SLC1A2: variants seen among roughly 807,000 people sequenced by gnomAD.
SLC1A2 encodes excitatory amino acid transporter 2.
In SLC1A2, 15 loss-of-function variants were observed where a neutral mutation model predicts 48.8. The observed-to-expected ratio is 0.31, with a 90% CI of 0.21 to 0.47. The LOEUF (loss-of-function observed/expected upper bound fraction) is 0.47. Ranked by LOEUF, SLC1A2 falls within the 20% of genes least tolerant of loss-of-function variation. The probability of loss-of-function intolerance (pLI) is 0.99; values close to 1 mark genes in which losing one functional copy is unlikely to be tolerated. For missense variants in SLC1A2, 502 were observed against 730.5 expected (o/e 0.69, Z 3.61); for synonymous variants, 279 against 272.6 (o/e 1.02, Z -0.23).
At chr11:35,381,829 C>G (rs1471549627) in intron 1 of SLC1A2, among the ~76,000 whole-genome samples, 1 of 152,196 alleles carries the variant, frequency 6.6e-6, no homozygotes, top group African/African-American at 2.4e-5. Flanking sequence ...AATTTATTGT[C>G]TTTCCCAGAA....
At chr11:35,385,589 A>AT (rs1205758164) in intron 1 of SLC1A2, among the ~76,000 whole-genome samples, 26 of 152,156 alleles carry the variant, frequency 1.7e-4, no homozygotes, top group Non-Finnish European at 2.2e-4. Context: ...ATCTCAGAAT[A>AT]CCAATTCCAC....
At chr11:35,320,827 CA>C (rs1285852262) in intron 1 of SLC1A2, among the ~76,000 whole-genome samples, 3 of 152,128 alleles carry the variant, frequency 2.0e-5, no homozygotes, top group Non-Finnish European at 4.4e-5. Flanking sequence ...TTGCAGTAAA[CA>C]AAAAGACAGA....
intron 7 of SLC1A2, among the ~76,000 whole-genome samples, chr11:35,287,345 T>C (rs760231447): frequency 1.4e-4 from 21 of 149,368 alleles, no homozygotes; most frequent in Non-Finnish European, 2.7e-4. Context: ...AACAGCAAAA[T>C]GGGATGAGGA....
chr11:35,366,724 A>G (rs1853861894), intron 1 of SLC1A2, among the ~76,000 whole-genome samples: 1 of 152,150 alleles, frequency 6.6e-6, no homozygotes, highest in Non-Finnish European at 1.5e-5. Context: ...CCAAACCAAC[A>G]CAAAACAGAA....
intron 5 of SLC1A2, 49 bp downstream of exon 5, chr11:35,306,025 G>A (rs939673174): frequency 1.9e-6 from 3 of 1,564,624 alleles, no homozygotes; most frequent in Non-Finnish European, 2.6e-6. Flanking sequence ...GTGCAGGATA[G>A]CCCAGCCATT....
intron 1 of SLC1A2, among the ~76,000 whole-genome samples, chr11:35,395,210 G>A (rs781550841): frequency 3.6e-4 from 55 of 152,054 alleles, no homozygotes; most frequent in Non-Finnish European, 5.7e-4. Context: ...CTCAAGCCAT[G>A]CACCAACACA....
At chr11:35,375,060 C>T (rs531950045) in intron 1 of SLC1A2, among the ~76,000 whole-genome samples, 113 of 152,134 alleles carry the variant, frequency 7.4e-4, no homozygotes, top group African/African-American at 2.7e-3. Flanking sequence ...TTTTAAAAAC[C>T]GCAGTTTTCA....
rs768867986 is a variant in SLC1A2, at chr11:35,315,033, G to A, written c.300C>T (p.Ser100=). The A allele has an allele frequency of 1.2e-6, 2 of 1,612,724 alleles. No individual in the cohort carries two copies. The highest frequency in any genetic ancestry group is 1.7e-6 in the Non-Finnish European group (2 of 1,178,778). ...GTGAGGTAGTCTTACCTGTGATTAA[G>A]CTGGAGATGATTAGAGGGAGAATGA... ...KMLILPLIIS[S]LITGLSGLDA... Residue 100 remains serine, a synonymous_variant, in exon 3 of 11, where the codon AGC becomes AGT. Coordinates refer to ENST00000278379, the MANE Select transcript of SLC1A2 (RefSeq NM_004171.4).
At position 35,292,349 on chromosome 11, in the gene SLC1A2, G is replaced by T. The variant is rs1003047693; in HGVS notation, c.1029C>A (p.Asn343Lys). 6.2e-7 allele frequency: 1 copy of T among 1,614,042 alleles called. No homozygotes were observed. The change falls in exon 7 of 11, where the codon AAC becomes AAA. Residue 343 changes from asparagine to lysine, a missense_variant. Physicochemically the swap from Asn to Lys is moderately conservative, Grantham distance 94 (BLOSUM62 0). This residue lies in a region of SLC1A2 where 309 missense variants were observed against 480.3 expected (regional missense o/e 0.64). Transcript: ENST00000278379. ...AAATGCCAGCAAAAAAGGAGAAGGG[G>T]TTTTTCCTGGTCACTACAAAGTAAA... Reference protein sequence around the residue: ...PLIYFVVTRKNPFSFFAGIFQ... With the variant: ...PLIYFVVTRKKPFSFFAGIFQ...
At chr11:35,396,378 G>A (rs1238932503) in intron 1 of SLC1A2, among the ~76,000 whole-genome samples, 2 of 130,662 alleles carry the variant, frequency 1.5e-5, no homozygotes, top group African/African-American at 3.1e-5. Context: ...TCTAACTGGT[G>A]TGAGATGGTA....
chr11:35,382,302 C>T (rs1476657903), intron 1 of SLC1A2, among the ~76,000 whole-genome samples: 1 of 152,192 alleles, frequency 6.6e-6, no homozygotes, highest in East Asian at 1.9e-4. Flanking sequence ...TACAGAGATT[C>T]TGTTAAACCT....
rs1950468240 is a variant in SLC1A2, at chr11:35,265,572, T to C, written c.1608A>G (p.Gln536=). The C allele has an allele frequency of 1.2e-6, 2 of 1,610,450 alleles. No individual in the cohort carries two copies. Among genetic ancestry groups the C allele is most frequent in the Non-Finnish European group, 1.7e-6 (2 of 1,176,682 alleles). The change falls in exon 10 of 11, where the codon CAA becomes CAG. Residue 536 remains glutamine, a synonymous_variant. Coordinates refer to ENST00000278379, the MANE Select transcript of SLC1A2 (RefSeq NM_004171.4). ...CAGAGTTGTGTGCAGCATAGACACATTGATTAGAGTTGCTTTCCCTGTGGT... is the reference window on the plus strand; with the variant it reads ...CAGAGTTGTGTGCAGCATAGACACACTGATTAGAGTTGCTTTCCCTGTGGT... ...MKNHRESNSN[Q]CVYAAHNSVI...
chr11:35,357,234 G>A (rs550257252), intron 1 of SLC1A2, among the ~76,000 whole-genome samples: 1 of 149,826 alleles, frequency 6.7e-6, no homozygotes, highest in Non-Finnish European at 1.5e-5. Flanking sequence ...TCCAGCCTGG[G>A]CAACTGAGCG....
chr11:35,278,486 T>G (rs900560661), intron 9 of SLC1A2, among the ~76,000 whole-genome samples: 1 of 151,836 alleles, frequency 6.6e-6, no homozygotes, highest in African/African-American at 2.4e-5. Flanking sequence ...TCCATGTTGT[T>G]CAGGCTGGTC....
At chr11:35,277,158 G>A (rs559003242) in intron 9 of SLC1A2, among the ~76,000 whole-genome samples, 63 of 152,308 alleles carry the variant, frequency 4.1e-4, no homozygotes, top group African/African-American at 1.2e-3. Context: ...GCAATTAAAC[G>A]TCAACATGAG....
At chr11:35,339,523 C>A (rs1384398619) in intron 1 of SLC1A2, among the ~76,000 whole-genome samples, 1 of 152,178 alleles carries the variant, frequency 6.6e-6, no homozygotes. Flanking sequence ...AGGACCTTAT[C>A]ATGAGGACTG....
At chr11:35,262,139 C>G (rs561501873) in intron 10 of SLC1A2, among the ~76,000 whole-genome samples, 2 of 152,268 alleles carry the variant, frequency 1.3e-5, no homozygotes, top group East Asian at 3.9e-4. Flanking sequence ...ATTTGTTTCC[C>G]TTTCAGTGAA....
intron 1 of SLC1A2, among the ~76,000 whole-genome samples, chr11:35,387,924 CT>C (rs1854635247): frequency 1.3e-5 from 2 of 152,164 alleles, no homozygotes; most frequent in African/African-American, 4.8e-5. Context: ...CACACTTGAA[CT>C]TTTTTCTTAA....
At position 35,258,272 on chromosome 11, in the gene SLC1A2, C is replaced by T. The variant is rs1019453048; in HGVS notation, c.*2622G>A. The T allele has an allele frequency of 6.6e-6, 1 of 152,192 alleles. No individual in the cohort carries two copies. The highest frequency in any genetic ancestry group is 1.5e-5 in the Non-Finnish European group (1 of 68,038). 9.4% of individuals were successfully genotyped at this position (152,192 alleles called of 1,614,324 possible). ...GTATATTCTCACGAGACTTCCTGCA[C>T]ACAGTAAGTCTCAGACCAGAAAAAA... On this transcript the variant is annotated 3_prime_UTR_variant, in exon 11 of 11. Coordinates refer to ENST00000278379, the MANE Select transcript of SLC1A2 (RefSeq NM_004171.4).
Sources: allele counts gnomAD v4.1 joint callset (sites outside exome capture counted in the v4.1 genomes callset), GRCh38; gene constraint gnomAD v4.1.1; regional missense constraint gnomAD v4.1.1; transcripts MANE v1.5; gene names NCBI Gene and HGNC (gene_info 2026-07-23, HGNC 2026-07-21).